ADAM19: variants seen among roughly 807,000 people sequenced by gnomAD.
ADAM19 encodes disintegrin and metalloproteinase domain-containing protein 19.
ADAM19 carries 65 observed loss-of-function variants against 114.7 expected under a neutral mutation model. The observed-to-expected ratio is 0.57, with a 90% CI of 0.46 to 0.70. The LOEUF is 0.70. Ranked by LOEUF, ADAM19 falls within the 30% of genes least tolerant of loss-of-function variation. The probability of loss-of-function intolerance (pLI) is 0.00; values close to 1 mark genes in which losing one functional copy is unlikely to be tolerated. For synonymous variants in ADAM19, 466 were observed against 460.5 expected, an observed-to-expected ratio of 1.01 and a Z score of -0.15; for missense variants, 1,063 against 1,204.7, an observed-to-expected ratio of 0.88 and a Z score of 1.74.
At position 157,545,563 on chromosome 5, in the gene ADAM19, C is replaced by T. The variant is rs563349402; in HGVS notation, c.252-7572G>A. Among the ~76,000 whole-genome samples the T allele has an allele frequency of 4.6e-5, 7 of 152,198 alleles. No individual in the cohort carries two copies. In the South Asian group the frequency reaches 1.2e-3, roughly 27 times the overall value. ...TTCCAAAAAGATTGTTTAGGAGAAG[C>T]GAGGGTTAGTGTGTAAGTTACAGAG... On this transcript the variant is annotated intron_variant, in intron 3 of 22. Coordinates refer to ENST00000257527, the MANE Select transcript of ADAM19 (RefSeq NM_033274.5).
chr5:157,528,990 G>T (rs139481914), intron 5 of ADAM19, among the ~76,000 whole-genome samples: 2 of 152,290 alleles, frequency 1.3e-5, no homozygotes, highest in African/African-American at 4.8e-5. Flanking sequence ...AACACACAAT[G>T]GAGCCACCTC....
Position 157,494,734 on chromosome 5 carries a change from T to C in ADAM19, c.1656A>G (p.Gly552=). 1 of 1,613,908 alleles carries C rather than the reference T, an allele frequency of 6.2e-7. No homozygotes were observed. The highest frequency in any genetic ancestry group is 8.5e-7 in the Non-Finnish European group (1 of 1,179,824). ...CACCATTCATGTCCTTTCCACAGTTTCCAAAGGTGTCTCCTGCCACATTCA... is the reference window on the plus strand; with the variant it reads ...CACCATTCATGTCCTTTCCACAGTTCCCAAAGGTGTCTCCTGCCACATTCA... ...EKVNVAGDTF[G]NCGKDMNGEH... Residue 552 remains glycine, a synonymous_variant, in exon 15 of 23, where the codon GGA becomes GGG. Coordinates refer to ENST00000257527, the MANE Select transcript of ADAM19 (RefSeq NM_033274.5).
intron 3 of ADAM19, among the ~76,000 whole-genome samples, chr5:157,554,066 C>T (rs745963917): frequency 4.8e-4 from 73 of 152,088 alleles, no homozygotes; most frequent in Non-Finnish European, 1.0e-3. Flanking sequence ...ACACTATGAC[C>T]TCATTTGTAT....
intron 22 of ADAM19, chr5:157,481,584 G>A: frequency 1.3e-6 from 2 of 1,514,394 alleles, no homozygotes; most frequent in Non-Finnish European, 1.8e-6. Context: ...CACAGCTCAG[G>A]ATTCTAAGAA....
intron 13 of ADAM19, 118 bp from the exon 14 acceptor site, chr5:157,497,207 CA>C: frequency 1.0e-6 from 1 of 968,096 alleles, no homozygotes; most frequent in Non-Finnish European, 1.4e-6. Flanking sequence ...CATGATTTCA[CA>C]GCACTTTTTA....
chr5:157,488,422 A>G lies in ADAM19; in HGVS notation c.2393T>C (p.Leu798Pro). The G allele has an allele frequency of 1.9e-6, 3 of 1,613,700 alleles. No homozygotes were observed. The highest frequency in any genetic ancestry group is 2.5e-6 in the Non-Finnish European group (3 of 1,179,754). ...TGGTGCAGGTGGGGACCCACCACGC[A>G]GATAATCTGGAGGGGGCCGGGGAGG... ...QPPPRPPPDYLRGGSPPAPLP... is the reference protein window; with the variant it reads ...QPPPRPPPDYPRGGSPPAPLP... Residue 798 changes from leucine to proline, a missense_variant, in exon 21 of 23, where the codon CTG becomes CCG. Coordinates refer to ENST00000257527, the MANE Select transcript of ADAM19 (RefSeq NM_033274.5).
intron 16 of ADAM19, among the ~76,000 whole-genome samples, chr5:157,492,737 T>A (rs548558300): frequency 6.6e-6 from 1 of 152,306 alleles, no homozygotes; most frequent in Non-Finnish European, 1.5e-5. Flanking sequence ...GCGATGAGGA[T>A]GAAAGTGGCA....
rs1319027513 is a variant in ADAM19 at position 157,478,324 on chromosome 5, A to G, written c.*2625T>C. The G allele has an allele frequency of 6.6e-6, 1 of 150,676 alleles. No homozygotes were observed. The highest frequency in any genetic ancestry group is 2.5e-5 in the African/African-American group (1 of 40,714). 9.3% of individuals were successfully genotyped at this position (150,676 alleles called of 1,614,324 possible). On this transcript the variant is annotated 3_prime_UTR_variant, in exon 23 of 23. Transcript: ENST00000257527. ...AAAAAAAAAAAAAAAGGCTGGGCAC[A>G]ACGTCATTCCCTGAACGTGGTTCTT...
chr5:157,490,322 C>T lies in ADAM19; in HGVS notation c.2228G>A (p.Arg743Lys). The T allele has an allele frequency of 2.5e-6, 4 of 1,614,142 alleles. No homozygotes were observed. The highest frequency in any genetic ancestry group is 1.1e-5 in the South Asian group (1 of 91,074). ...LKPSALPSKL[R>K]QQFSCPFRVS... ...AACCCTGTCATACCTGAACTGTTGC[C>T]TCAGCTTGGAAGGGAGAGCTGAGGG... Residue 743 changes from arginine (R) to lysine (K), a missense_variant, in exon 19 of 23, where the codon AGG (arginine) becomes AAG (lysine). Physicochemically the swap from Arg to Lys is conservative, Grantham distance 26. This residue lies in a region of ADAM19 where 424 missense variants were observed against 445.5 expected (regional missense o/e 0.95). Transcript: ENST00000257527.
At chr5:157,518,780 C>G in intron 7 of ADAM19, 43 bp downstream of exon 7, 1 of 1,471,412 alleles carries the variant, frequency 6.8e-7, no homozygotes, top group Non-Finnish European at 9.5e-7. Context: ...TGGAAGCTAT[C>G]AAGAGAGCAG....
chr5:157,522,803 C>A (rs1363384196), intron 5 of ADAM19, among the ~76,000 whole-genome samples: 1 of 151,974 alleles, frequency 6.6e-6, no homozygotes, highest in Non-Finnish European at 1.5e-5. Context: ...AAAAAAAATA[C>A]CCTGTAGAGT....
At chr5:157,575,264 C>G (rs556157361) in intron 1 of ADAM19, among the ~76,000 whole-genome samples, 1 of 152,218 alleles carries the variant, frequency 6.6e-6, no homozygotes, top group Admixed American at 6.5e-5. Context: ...GGAGCGGACA[C>G]GAGGGACCGT....
rs371600298 is a variant in ADAM19, at chr5:157,540,216, TTCTC to T, written c.252-2229_252-2226del. On this transcript the variant is annotated intron_variant, in intron 3 of 22. Transcript: ENST00000257527. ...ATTATGACAGAAGAACCCAGAAAGTTTCTCTCTCTAACTTTCCCCAGCCATGAAC... is the reference window on the plus strand; with the variant it reads ...ATTATGACAGAAGAACCCAGAAAGTTTCTCTAACTTTCCCCAGCCATGAAC... Among the ~76,000 whole-genome samples the T allele has an allele frequency of 3.5e-4, 54 of 152,336 alleles. 1 individual carries two copies. In the East Asian group the frequency reaches 8.5e-3, roughly 24 times the overall value.
intron 3 of ADAM19, among the ~76,000 whole-genome samples, chr5:157,550,903 C>T (rs1757177081): frequency 6.6e-6 from 1 of 152,206 alleles, no homozygotes. Context: ...CCATCATTCT[C>T]TCTACTCTGC....
At chr5:157,535,477 T>C (rs1395337025) in intron 4 of ADAM19, among the ~76,000 whole-genome samples, 1 of 152,218 alleles carries the variant, frequency 6.6e-6, no homozygotes. Context: ...AAATGGGAAG[T>C]CTGACTGAGA....
At position 157,513,452 on chromosome 5, in the gene ADAM19, G is replaced by A. The variant is rs1487407223; in HGVS notation, c.720C>T (p.Ile240=). 5.6e-6 allele frequency: 9 copies of A among 1,613,836 alleles called. 1 individual carries two copies. Among genetic ancestry groups the A allele is most frequent in the South Asian group, 4.4e-5 (4 of 91,064 alleles). ...GTCTCACCTTATCAACATAGTTGGC[G>A]ATCTCTATGAGCTTGTGTTTGGTGG... ...QDATKHKLIE[I]ANYVDKFYRS... is the part of the protein sequence containing the mutation. The change falls in exon 8 of 23, where the codon ATC becomes ATT. Residue 240 remains isoleucine (I), a synonymous_variant. Transcript: ENST00000257527.
chr5:157,502,881 G>A lies in ADAM19; in HGVS notation c.1230C>T (p.Thr410=), dbSNP rs1350815673. The A allele has an allele frequency of 6.2e-7, 1 of 1,614,106 alleles. No homozygotes were observed. The change falls in exon 12 of 23, where the codon ACC becomes ACT. Residue 410 remains threonine (T), a synonymous_variant. Coordinates refer to ENST00000257527, the MANE Select transcript of ADAM19 (RefSeq NM_033274.5). ...GGMCLSNMPD[T]RMLYGGRRCG... ...ACCTCCGGCCTCCATACAACATCCTGGTGTCTGGCATGTTGGAGAGACACA... is the reference window on the plus strand; with the variant it reads ...ACCTCCGGCCTCCATACAACATCCTAGTGTCTGGCATGTTGGAGAGACACA...
chr5:157,491,849 A>G lies in ADAM19; in HGVS notation c.1972T>C (p.Cys658Arg). 1 of 1,614,210 alleles carries G rather than the reference A, an allele frequency of 6.2e-7. No homozygotes were observed. Among genetic ancestry groups the G allele is most frequent in the Non-Finnish European group, 8.5e-7 (1 of 1,180,030 alleles). ...FFETEGCGKK[C>R]NGHGVCNNNQ... ...CCAGCACGCACCCCATGGCCATTGC[A>G]CTTCTTCCCACAGCCTTCAGTTTCA... is the stretch of plus-strand genomic sequence containing the variant. Residue 658 changes from cysteine to arginine, a missense_variant, in exon 17 of 23, where the codon TGC becomes CGC. By Grantham distance (180) the Cys-to-Arg change is radical (BLOSUM62 -3). Coordinates refer to ENST00000257527, the MANE Select transcript of ADAM19 (RefSeq NM_033274.5).
intron 7 of ADAM19, among the ~76,000 whole-genome samples, chr5:157,516,443 G>A (rs753366995): frequency 1.8e-4 from 27 of 152,172 alleles, no homozygotes; most frequent in Non-Finnish European, 2.9e-4. Flanking sequence ...GACTCTGGAG[G>A]TCAGGAGATA....
Sources: allele counts gnomAD v4.1 joint callset (sites outside exome capture counted in the v4.1 genomes callset), GRCh38; gene constraint gnomAD v4.1.1; regional missense constraint gnomAD v4.1.1; transcripts MANE v1.5; gene names NCBI Gene and HGNC (gene_info 2026-07-23, HGNC 2026-07-21).